Variants in BTRC observed in about 807,000 individuals in gnomAD.
The protein encoded by BTRC is beta-transducin repeat containing E3 ubiquitin protein ligase.
In BTRC, 42 loss-of-function variants were observed where a neutral mutation model predicts 85.5. That is an observed-to-expected ratio of 0.49 (90% CI 0.38 to 0.64). BTRC has a LOEUF of 0.64. Among genes scored for constraint, BTRC ranks in the 30% least tolerant of loss-of-function variants. The pLI is 0.00. For missense variants in BTRC, 594 were observed against 743.5 expected, an observed-to-expected ratio of 0.80 and a Z score of 2.34; for synonymous variants, 255 against 263.3, an observed-to-expected ratio of 0.97 and a Z score of 0.30.
chr10:101,354,637 A>C, intron 1 of BTRC: 1 of 236,870 alleles, frequency 4.2e-6, no homozygotes, highest in Non-Finnish European at 8.1e-6. Flanking sequence ...AGGTGCATTC[A>C]CGACTGGGGA....
At chr10:101,530,631 A>G (rs1344591498) in intron 6 of BTRC, among the ~76,000 whole-genome samples, 1 of 152,200 alleles carries the variant, frequency 6.6e-6, no homozygotes, top group Non-Finnish European at 1.5e-5. Context: ...CTGATTGTAC[A>G]TATTCCATTT....
intron 4 of BTRC, among the ~76,000 whole-genome samples, chr10:101,520,682 G>C (rs565537913): frequency 6.6e-6 from 1 of 152,346 alleles, no homozygotes; most frequent in East Asian, 1.9e-4. Context: ...TGTTGGCCGG[G>C]CACGGTGGCT....
intron 4 of BTRC, among the ~76,000 whole-genome samples, chr10:101,513,737 A>G (rs1236037908): frequency 1.1e-4 from 8 of 75,090 alleles, no homozygotes; most frequent in Admixed American, 9.0e-4. Flanking sequence ...AGCAAAAAAC[A>G]TTAAAGTACC....
At chr10:101,446,451 G>A (rs1221451688) in intron 2 of BTRC, among the ~76,000 whole-genome samples, 1 of 152,054 alleles carries the variant, frequency 6.6e-6, no homozygotes, top group Non-Finnish European at 1.5e-5. Context: ...TTTGCTATTT[G>A]ATATACCTGG....
chr10:101,357,592 C>T (rs1180606821), intron 1 of BTRC, among the ~76,000 whole-genome samples: 3 of 152,034 alleles, frequency 2.0e-5, no homozygotes, highest in Non-Finnish European at 2.9e-5. Flanking sequence ...AATTGTGAAT[C>T]GCTAATGACA....
chr10:101,469,648 T>C (rs1008918615), intron 3 of BTRC, among the ~76,000 whole-genome samples: 7 of 152,240 alleles, frequency 4.6e-5, no homozygotes, highest in African/African-American at 1.7e-4. Flanking sequence ...TTTACAGATA[T>C]TAATTGTATA....
chr10:101,460,293 CTTTG>C (rs910917426), intron 2 of BTRC, among the ~76,000 whole-genome samples: 2 of 151,882 alleles, frequency 1.3e-5, no homozygotes, highest in Non-Finnish European at 2.9e-5. Flanking sequence ...CTTTCCCTTT[CTTTG>C]TTTGATACTC....
At chr10:101,515,328 C>T (rs866525113) in intron 4 of BTRC, among the ~76,000 whole-genome samples, 5 of 151,824 alleles carry the variant, frequency 3.3e-5, no homozygotes, top group Admixed American at 6.6e-5. Context: ...TTAGAATCAG[C>T]GAGTTAATTT....
rs903776110 is a variant in BTRC, at chr10:101,556,739, C to T, written c.*3616C>T. ...GATGGCTGCCTGGTTTCAGGTGGAACTTAATGCATTGATCTTTAGAAGCTC... is the reference window on the plus strand; with the variant it reads ...GATGGCTGCCTGGTTTCAGGTGGAATTTAATGCATTGATCTTTAGAAGCTC... On this transcript the variant is annotated 3_prime_UTR_variant, in exon 15 of 15. Transcript: ENST00000370187. 6.6e-6 allele frequency: 1 copy of T among 152,232 alleles called. No individual in the cohort carries two copies. Among genetic ancestry groups the T allele is most frequent in the African/African-American group, 2.4e-5 (1 of 41,448 alleles). The allele number at this position is 152,232 out of a possible 1,614,324, so 9.4% of individuals were successfully genotyped here. A position where few individuals can be genotyped will look rare whatever the true frequency, so the allele number is the denominator to read the frequency against.
chr10:101,470,621 C>T (rs936012770), intron 3 of BTRC, among the ~76,000 whole-genome samples: 6 of 152,182 alleles, frequency 3.9e-5, no homozygotes, highest in South Asian at 2.1e-4. Context: ...CGAGCCACCG[C>T]GCCTAGCCGG....
At chr10:101,382,199 TCTCGAA>T (rs1942953167) in intron 1 of BTRC, among the ~76,000 whole-genome samples, 1 of 151,706 alleles carries the variant, frequency 6.6e-6, no homozygotes, top group South Asian at 2.1e-4. Context: ...GCCAGGCTGG[TCTCGAA>T]CTCCCGACCT....
rs867870787 is a variant in BTRC, at chr10:101,509,026, G to T, written c.325-12613G>T. 4.3e-4 allele frequency among the ~76,000 whole-genome samples: 64 copies of T among 150,150 alleles called. 1 individual carries two copies. The Middle Eastern group carries it at 0.017, about 41-fold the overall frequency. ...TTCAATTTGTAGCTAAATTCTTTCAGTTTATCTTGAAATCTCCTTGTAAAA... is the reference window on the plus strand; with the variant it reads ...TTCAATTTGTAGCTAAATTCTTTCATTTTATCTTGAAATCTCCTTGTAAAA... On this transcript the variant is annotated intron_variant, in intron 4 of 14. Coordinates refer to ENST00000370187, the MANE Select transcript of BTRC (RefSeq NM_033637.4).
At chr10:101,397,231 C>T (rs916863685) in intron 1 of BTRC, among the ~76,000 whole-genome samples, 3 of 152,166 alleles carry the variant, frequency 2.0e-5, no homozygotes, top group Non-Finnish European at 2.9e-5. Flanking sequence ...AAAGTTGTTA[C>T]ATATTGCAGA....
chr10:101,533,619 A>G (rs967629869), intron 9 of BTRC, among the ~76,000 whole-genome samples: 1 of 152,166 alleles, frequency 6.6e-6, no homozygotes, highest in African/African-American at 2.4e-5. Context: ...AGTTCTGGGT[A>G]CCAGCAGCAC....
intron 1 of BTRC, among the ~76,000 whole-genome samples, chr10:101,367,298 G>C (rs1942494546): frequency 6.6e-6 from 1 of 150,924 alleles, no homozygotes; most frequent in Non-Finnish European, 1.5e-5. Flanking sequence ...TCTATCTCTT[G>C]ACCTTGTGAT....
intron 1 of BTRC, among the ~76,000 whole-genome samples, chr10:101,424,915 A>G (rs1366648489): frequency 6.6e-6 from 1 of 152,202 alleles, no homozygotes; most frequent in Non-Finnish European, 1.5e-5. Flanking sequence ...TAGAGAGTGC[A>G]AAGTACCCAT....
rs919334134 is a variant in BTRC, at chr10:101,556,216, A to G, written c.*3093A>G. 2.6e-5 allele frequency: 4 copies of G among 151,280 alleles called. No individual in the cohort carries two copies. Among genetic ancestry groups the G allele is most frequent in the Admixed American group, 1.3e-4 (2 of 15,146 alleles). 9.4% of individuals were successfully genotyped at this position (151,280 alleles called of 1,614,324 possible). Reference sequence around the variant, plus strand: ...GCTTGAGTAAGAACAATCCTTTTTTATTTTTCTTCTGTACAGTCTAAAGCT... The same window carrying G: ...GCTTGAGTAAGAACAATCCTTTTTTGTTTTTCTTCTGTACAGTCTAAAGCT... On this transcript the variant is annotated 3_prime_UTR_variant, in exon 15 of 15. Coordinates refer to ENST00000370187, the MANE Select transcript of BTRC (RefSeq NM_033637.4).
chr10:101,482,465 G>A (rs1285385395), intron 4 of BTRC, among the ~76,000 whole-genome samples: 7 of 137,338 alleles, frequency 5.1e-5, no homozygotes, highest in Non-Finnish European at 7.6e-5. Flanking sequence ...GCATGATCTC[G>A]GCTCACTGCA....
Position 101,536,752 on chromosome 10 carries a change from T to C in BTRC, c.1577+99T>C, listed in dbSNP as rs1025606694. 8.0e-6 allele frequency: 7 copies of C among 873,924 alleles called. No homozygotes were observed. In the African/African-American group the frequency reaches 1.2e-4, roughly 15 times the overall value. 54.1% of individuals were successfully genotyped at this position (873,924 alleles called of 1,614,324 possible). Reference sequence around the variant, plus strand: ...ATAACCATTCCTTGTTTCTAAAAGCTTATAGATTTTACACAAAATATCTGA... The same window carrying C: ...ATAACCATTCCTTGTTTCTAAAAGCCTATAGATTTTACACAAAATATCTGA... On this transcript the variant is annotated intron_variant, in intron 12 of 14. Coordinates refer to ENST00000370187, the MANE Select transcript of BTRC (RefSeq NM_033637.4).
Sources: allele counts gnomAD v4.1 joint callset (sites outside exome capture counted in the v4.1 genomes callset), GRCh38; gene constraint gnomAD v4.1.1; transcripts MANE v1.5; gene names NCBI Gene and HGNC (gene_info 2026-07-23, HGNC 2026-07-21).